Variants in ATRNL1 observed in about 807,000 individuals in gnomAD.
The protein encoded by ATRNL1 is attractin like 1.
In ATRNL1, 95 loss-of-function variants were observed where a neutral mutation model predicts 182.7. That is an observed-to-expected ratio of 0.52 (90% CI 0.44 to 0.62). The LOEUF is 0.62. ATRNL1 is among the 20% of genes least tolerant of loss of function. The probability of loss-of-function intolerance (pLI) is 0.00; values close to 1 mark genes in which losing one functional copy is unlikely to be tolerated. For synonymous variants in ATRNL1, 576 were observed against 568.3 expected, an observed-to-expected ratio of 1.01 and a Z score of -0.19; for missense variants, 1,471 against 1,679.5, an observed-to-expected ratio of 0.88 and a Z score of 2.17.
At chr10:115,268,253 A>G in intron 12 of ATRNL1, 73 bp from the exon 13 acceptor site, 3 of 849,968 alleles carry the variant, frequency 3.5e-6, no homozygotes, top group South Asian at 1.5e-5. Flanking sequence ...TGATTCTTAA[A>G]TAGATATTGT....
chr10:115,770,182 C>T (rs1227580591), intron 27 of ATRNL1, among the ~76,000 whole-genome samples: 1 of 151,606 alleles, frequency 6.6e-6, no homozygotes, highest in Non-Finnish European at 1.5e-5. Context: ...TATAAGGAAG[C>T]ACAATAATGT....
At chr10:115,295,846 G>C (rs370912841) in intron 15 of ATRNL1, among the ~76,000 whole-genome samples, 1 of 152,070 alleles carries the variant, frequency 6.6e-6, no homozygotes, top group Non-Finnish European at 1.5e-5. Context: ...GCATTCAGCC[G>C]CCTGTGTGGG....
chr10:115,791,753 G>A (rs1296538732), intron 27 of ATRNL1, among the ~76,000 whole-genome samples: 1 of 151,780 alleles, frequency 6.6e-6, no homozygotes, highest in Non-Finnish European at 1.5e-5. Context: ...TTCTTCCCTA[G>A]TTTGGCATAC....
Position 115,602,811 on chromosome 10 carries a change from G to A in ATRNL1, c.3795+53275G>A, listed in dbSNP as rs187198740. 1.1e-3 allele frequency among the ~76,000 whole-genome samples: 167 copies of A among 146,430 alleles called. 2 individuals are homozygous for A. In the East Asian group the frequency reaches 0.02, roughly 17 times the overall value. On this transcript the variant is annotated intron_variant, in intron 26 of 28. Transcript: ENST00000355044. ...GAAGTTTGCAGTGAGCAGAGATCGC[G>A]CCACTGCACTCCAGACTGGGTGACA...
intron 19 of ATRNL1, among the ~76,000 whole-genome samples, chr10:115,348,308 C>CA (rs1856069828): frequency 6.6e-6 from 1 of 152,072 alleles, no homozygotes. Context: ...TTCTCATCTG[C>CA]AAAATGCAGC....
At chr10:115,798,857 C>T (rs775821678) in intron 27 of ATRNL1, among the ~76,000 whole-genome samples, 16 of 141,926 alleles carry the variant, frequency 1.1e-4, no homozygotes, top group South Asian at 2.2e-4. Flanking sequence ...GTCGGAGCCT[C>T]GCTCTGTTGA....
At chr10:115,522,099 G>A (rs1808798457) in intron 25 of ATRNL1, among the ~76,000 whole-genome samples, 2 of 152,174 alleles carry the variant, frequency 1.3e-5, no homozygotes, top group African/African-American at 4.8e-5. Flanking sequence ...GTACTAGGGA[G>A]ATCACTTACA....
At chr10:115,190,731 G>C (rs2144231706) in intron 8 of ATRNL1, among the ~76,000 whole-genome samples, 1 of 152,014 alleles carries the variant, frequency 6.6e-6, no homozygotes, top group South Asian at 2.1e-4. Flanking sequence ...AGTTCTACTT[G>C]TTTAGTTATT....
intron 27 of ATRNL1, among the ~76,000 whole-genome samples, chr10:115,806,151 G>A (rs1249635584): frequency 1.3e-5 from 2 of 152,054 alleles, no homozygotes; most frequent in African/African-American, 4.8e-5. Context: ...GTGTTTCTTG[G>A]ATTCCTTTTA....
intron 26 of ATRNL1, among the ~76,000 whole-genome samples, chr10:115,551,510 C>G (rs1852985497): frequency 6.6e-6 from 1 of 151,372 alleles, no homozygotes; most frequent in Admixed American, 6.6e-5. Context: ...TAATGCCCTT[C>G]TTTCCAAAAC....
At chr10:115,470,625 T>G (rs1011654360) in intron 24 of ATRNL1, among the ~76,000 whole-genome samples, 1 of 150,552 alleles carries the variant, frequency 6.6e-6, no homozygotes, top group African/African-American at 2.4e-5. Context: ...TGAAAAAAAA[T>G]TACATAGTTA....
chr10:115,694,956 C>T (rs1555049305), intron 26 of ATRNL1, among the ~76,000 whole-genome samples: 1 of 150,802 alleles, frequency 6.6e-6, no homozygotes, highest in Non-Finnish European at 1.5e-5. Context: ...CACACACACA[C>T]ACACAGAGTA....
intron 9 of ATRNL1, among the ~76,000 whole-genome samples, chr10:115,223,989 G>T (rs188135826): frequency 7.4e-6 from 1 of 136,054 alleles, no homozygotes; most frequent in Non-Finnish European, 1.5e-5. Flanking sequence ...AGCCTGGAGT[G>T]CAGTGACACA....
chr10:115,466,438 A>G (rs1317252550), intron 22 of ATRNL1, among the ~76,000 whole-genome samples: 1 of 151,292 alleles, frequency 6.6e-6, no homozygotes, highest in Non-Finnish European at 1.5e-5. Context: ...TTCCACAGGA[A>G]CAAATAGTTG....
At chr10:115,791,388 C>T (rs111363018) in intron 27 of ATRNL1, among the ~76,000 whole-genome samples, 10,686 of 152,124 alleles carry the variant, frequency 0.07, 493 homozygotes, top group Middle Eastern at 0.099. Context: ...CAGTTTAGAA[C>T]AAACACCTGG....
chr10:115,342,676 A>G (rs1400706517), intron 19 of ATRNL1, among the ~76,000 whole-genome samples: 2 of 151,998 alleles, frequency 1.3e-5, no homozygotes, highest in African/African-American at 2.4e-5. Context: ...ACTCACTGTT[A>G]CTGGTGAGTT....
At chr10:115,870,949 T>A (rs546858549) in intron 28 of ATRNL1, among the ~76,000 whole-genome samples, 1 of 152,314 alleles carries the variant, frequency 6.6e-6, no homozygotes, top group South Asian at 2.1e-4. Context: ...AAATGCTATA[T>A]ACAAATTTCC....
chr10:115,477,201 A>G (rs1370865424), intron 24 of ATRNL1, among the ~76,000 whole-genome samples: 2 of 151,560 alleles, frequency 1.3e-5, no homozygotes, highest in African/African-American at 4.8e-5. Flanking sequence ...CCAAAATGAA[A>G]TTTTATAGTA....
chr10:115,692,277 A>T (rs1218334197), intron 26 of ATRNL1, among the ~76,000 whole-genome samples: 2 of 152,166 alleles, frequency 1.3e-5, no homozygotes, highest in Non-Finnish European at 2.9e-5. Context: ...TGCTTTGAGG[A>T]TCTAATTGCA....
Sources: gnomAD v4.1 joint callset for allele counts (sites outside exome capture counted in the v4.1 genomes callset) on GRCh38, gnomAD v4.1.1 for gene constraint, MANE v1.5 for transcripts, NCBI Gene and HGNC (gene_info 2026-07-23, HGNC 2026-07-21) for gene names.